Variants in RBFOX1 observed in about 807,000 individuals in gnomAD.
RBFOX1 encodes RNA binding fox-1 homolog 1.
In RBFOX1, 8 loss-of-function variants were observed where a neutral mutation model predicts 57.7. That is an observed-to-expected ratio of 0.14 (90% CI 0.08 to 0.25). RBFOX1 has a LOEUF of 0.25. Ranked by LOEUF, RBFOX1 falls within the 10% of genes least tolerant of loss-of-function variation. The pLI, the probability that RBFOX1 is intolerant of heterozygous loss-of-function variation, is 1.00. For synonymous variants in RBFOX1, 326 were observed against 222.4 expected, an observed-to-expected ratio of 1.47 and a Z score of -4.15; for missense variants, 611 against 548.5, an observed-to-expected ratio of 1.11 and a Z score of -1.14.
In RBFOX1 at chr16:7,377,791, G is replaced by C. The variant is rs549179990; in HGVS notation, c.28-140356G>C. Reference sequence around the variant, plus strand: ...GCTGTCTCAGAACTTAAATTTAGTGGGACAGATAGGTGGTAAACAAATAAG... The same window carrying C: ...GCTGTCTCAGAACTTAAATTTAGTGCGACAGATAGGTGGTAAACAAATAAG... On this transcript the variant is annotated intron_variant, in intron 4 of 15. Coordinates refer to ENST00000550418, the MANE Select transcript of RBFOX1 (RefSeq NM_018723.4). 1.6e-3 allele frequency among the ~76,000 whole-genome samples: 249 copies of C among 152,254 alleles called. 2 individuals are homozygous for C. The highest frequency in any genetic ancestry group is 5.8e-3 in the African/African-American group (242 of 41,554).
chr16:6,854,203 T>G (rs1774981105), intron 3 of RBFOX1, among the ~76,000 whole-genome samples: 1 of 152,162 alleles, frequency 6.6e-6, no homozygotes, highest in Non-Finnish European at 1.5e-5. Flanking sequence ...TAGACAGAGC[T>G]TGCATTCATC....
chr16:7,118,217 G>A (rs1600011057), intron 4 of RBFOX1, among the ~76,000 whole-genome samples: 1 of 152,110 alleles, frequency 6.6e-6, no homozygotes, highest in East Asian at 1.9e-4. Flanking sequence ...CAGCATATAA[G>A]AGTCCCCATT....
chr16:6,916,679 C>T (rs2073242263), intron 3 of RBFOX1, among the ~76,000 whole-genome samples: 1 of 152,102 alleles, frequency 6.6e-6, no homozygotes, highest in Non-Finnish European at 1.5e-5. Context: ...CGTCCTTTTA[C>T]CTCTCATTGG....
At chr16:5,242,237 A>C (rs1266659942) in intron 1 of RBFOX1, among the ~76,000 whole-genome samples, 1 of 152,170 alleles carries the variant, frequency 6.6e-6, no homozygotes, top group Admixed American at 6.5e-5. Flanking sequence ...AAAAGGCAGA[A>C]ACCCCACTGA....
intron 3 of RBFOX1, among the ~76,000 whole-genome samples, chr16:6,667,466 G>T (rs2098740002): frequency 6.6e-6 from 1 of 152,116 alleles, no homozygotes; most frequent in Admixed American, 6.6e-5. Context: ...CCTCTCAGAT[G>T]CTCAAGCTCT....
chr16:5,330,609 T>C (rs1429901832), intron 1 of RBFOX1, among the ~76,000 whole-genome samples: 2 of 152,108 alleles, frequency 1.3e-5, no homozygotes, highest in Non-Finnish European at 2.9e-5. Context: ...TTCACCATGT[T>C]GGCCAGGCTG....
At chr16:7,492,532 G>A (rs527477371) in intron 4 of RBFOX1, among the ~76,000 whole-genome samples, 6 of 152,060 alleles carry the variant, frequency 3.9e-5, no homozygotes, top group African/African-American at 7.2e-5. Flanking sequence ...TACTTAAAAC[G>A]ACACTAAATA....
chr16:7,572,359 T>C (rs904119557), intron 5 of RBFOX1, among the ~76,000 whole-genome samples: 36 of 152,254 alleles, frequency 2.4e-4, no homozygotes, highest in African/African-American at 7.5e-4. Flanking sequence ...GCTGCAGATA[T>C]TTACTGAGAA....
intron 4 of RBFOX1, among the ~76,000 whole-genome samples, chr16:7,150,080 G>T (rs79809772): frequency 6.6e-6 from 1 of 152,170 alleles, no homozygotes; most frequent in East Asian, 1.9e-4. Context: ...CAGCCAGGTT[G>T]CCTGTTCTTC....
intron 4 of RBFOX1, among the ~76,000 whole-genome samples, chr16:7,475,191 C>G (rs1374162454): frequency 6.6e-6 from 1 of 151,948 alleles, no homozygotes; most frequent in Non-Finnish European, 1.5e-5. Flanking sequence ...TGACTCATAG[C>G]AACTCGGGAG....
In RBFOX1 at chr16:5,651,040, C is replaced by CTT. The variant is rs869240597; in HGVS notation, c.318+52108_318+52109dup. On this transcript the variant is annotated intron_variant, in intron 3 of 19. Coordinates refer to the RBFOX1 transcript ENST00000641259. ...TCCTCTGGGAGAACACTACCTCCTT[C>CTT]TTTTTTTTTTTTTTTTTTTTTTTTT... Among the ~76,000 whole-genome samples the CTT allele has an allele frequency of 5.7e-3, 324 of 56,852 alleles. 67 individuals are homozygous for CTT. Among genetic ancestry groups the CTT allele is most frequent in the Middle Eastern group, 0.019 (1 of 52 alleles). The allele number at this position is 56,852 out of a possible 152,430, so 37.3% of individuals were successfully genotyped here.
At chr16:6,927,594 G>T (rs899717203) in intron 3 of RBFOX1, among the ~76,000 whole-genome samples, 22 of 151,914 alleles carry the variant, frequency 1.4e-4, no homozygotes, top group African/African-American at 5.3e-4. Flanking sequence ...CTGTGTGCCT[G>T]GAAAAGTACC....
chr16:7,225,794 A>T (rs12934988), intron 4 of RBFOX1, among the ~76,000 whole-genome samples: 16,601 of 144,986 alleles, frequency 0.11, 1,164 homozygotes, highest in East Asian at 0.16. Context: ...TAGGAGATAT[A>T]CCTAATGTAA....
chr16:6,432,812 TA>T (rs1225290336), intron 2 of RBFOX1, among the ~76,000 whole-genome samples: 1 of 151,976 alleles, frequency 6.6e-6, no homozygotes, highest in East Asian at 1.9e-4. Context: ...ACCCCATCTC[TA>T]ATAAAAATAC....
intron 4 of RBFOX1, among the ~76,000 whole-genome samples, chr16:7,313,868 C>G (rs1376142725): frequency 6.6e-6 from 1 of 152,152 alleles, no homozygotes; most frequent in African/African-American, 2.4e-5. Context: ...CTCCTCCTCA[C>G]TGTGCCGGCC....
At chr16:6,625,009 AC>A (rs1407903061) in intron 2 of RBFOX1, among the ~76,000 whole-genome samples, 4 of 152,020 alleles carry the variant, frequency 2.6e-5, no homozygotes, top group African/African-American at 9.7e-5. Context: ...TACTAAAAAT[AC>A]AAAAATTAGC....
chr16:7,487,769 A>G (rs936869288), intron 4 of RBFOX1, among the ~76,000 whole-genome samples: 2 of 152,168 alleles, frequency 1.3e-5, no homozygotes, highest in African/African-American at 4.8e-5. Flanking sequence ...CTCCTCATTC[A>G]GCACTTGGAC....
chr16:7,068,773 G>A (rs146102666), intron 4 of RBFOX1, among the ~76,000 whole-genome samples: 1,534 of 152,210 alleles, frequency 0.01, 30 homozygotes, highest in African/African-American at 0.035. Flanking sequence ...ATTTTTAGCA[G>A]AGATGGAGTT....
chr16:7,113,641 A>T (rs1198670797), intron 4 of RBFOX1, among the ~76,000 whole-genome samples: 1 of 152,182 alleles, frequency 6.6e-6, no homozygotes, highest in Non-Finnish European at 1.5e-5. Context: ...GTGTCTTCTG[A>T]CTCAATATCC....
Sources: allele counts gnomAD v4.1 joint callset (sites outside exome capture counted in the v4.1 genomes callset), GRCh38; gene constraint gnomAD v4.1.1; transcripts MANE v1.5; gene names NCBI Gene and HGNC (gene_info 2026-07-23, HGNC 2026-07-21).